ATP9B: variants seen among roughly 807,000 people sequenced by gnomAD.
ATP9B encodes the protein ATPase phospholipid transporting 9B.
Under a neutral mutation model 146.1 loss-of-function variants are expected in ATP9B, and 110 were observed. That is an observed-to-expected ratio of 0.75 (90% CI 0.65 to 0.88). The LOEUF is 0.88. Ranked by LOEUF, ATP9B falls within the 40% of genes least tolerant of loss-of-function variation. The pLI is 0.00. For missense variants in ATP9B, 1,499 were observed against 1,496.4 expected, an observed-to-expected ratio of 1.00 and a Z score of -0.03; for synonymous variants, 604 against 569.7, an observed-to-expected ratio of 1.06 and a Z score of -0.86.
chr18:79,336,794 AT>A, intron 18 of ATP9B, 83 bp downstream of exon 18: 1 of 1,413,940 alleles, frequency 7.1e-7, no homozygotes. Flanking sequence ...TTTGTATGAA[AT>A]TAGAGCTGGG....
At chr18:79,191,428 C>T (rs1262147931) in intron 8 of ATP9B, among the ~76,000 whole-genome samples, 1 of 152,170 alleles carries the variant, frequency 6.6e-6, no homozygotes, top group African/African-American at 2.4e-5. Flanking sequence ...CATCCTCTCT[C>T]TGTCCACTCA....
intron 20 of ATP9B, chr18:79,343,809 C>T: frequency 4.3e-6 from 1 of 234,166 alleles, no homozygotes; most frequent in South Asian, 5.6e-5. Context: ...AGCGCTGCTC[C>T]CCACGCCAGC....
chr18:79,342,766 A>G (rs1049497433), intron 20 of ATP9B, among the ~76,000 whole-genome samples: 80 of 152,288 alleles, frequency 5.3e-4, no homozygotes, highest in African/African-American at 1.7e-3. Context: ...GCATACTGCA[A>G]TTATTTTCAA....
Position 79,231,803 on chromosome 18 carries a change from T to TATACACACAC in ATP9B, c.1107+17766_1107+17767insTACACACACA, listed in dbSNP as rs569726473. 1.6e-3 allele frequency among the ~76,000 whole-genome samples: 180 copies of TATACACACAC among 114,752 alleles called. 1 individual carries two copies. Among genetic ancestry groups the TATACACACAC allele is most frequent in the East Asian group, 7.1e-3 (27 of 3,808 alleles). 75.3% of individuals were successfully genotyped at this position (114,752 alleles called of 152,430 possible). ...GTATATATATATATATATATATATA[T>TATACACACAC]ACACACACACACCATGGAATACTGC... On this transcript the variant is annotated intron_variant, in intron 11 of 29. Transcript: ENST00000426216.
intron 26 of ATP9B, among the ~76,000 whole-genome samples, chr18:79,368,044 T>A (rs114122806): frequency 6.6e-6 from 1 of 152,096 alleles, no homozygotes; most frequent in African/African-American, 2.4e-5. Flanking sequence ...TGTGTCTCCA[T>A]GGAGTGTCGC....
At chr18:79,240,105 G>A (rs1409399507) in intron 11 of ATP9B, among the ~76,000 whole-genome samples, 1 of 152,236 alleles carries the variant, frequency 6.6e-6, no homozygotes, top group African/African-American at 2.4e-5. Flanking sequence ...TCCAGTAGAA[G>A]CTGGCGAAGT....
In ATP9B at chr18:79,336,699, C is replaced by T. The variant is rs1166634186; in HGVS notation, c.2100C>T (p.Tyr700=). The change falls in exon 18 of 30, where the codon TAC becomes TAT. Residue 700 remains tyrosine, a synonymous_variant. Transcript: ENST00000426216. The part of the protein sequence containing the change: ...VAKKALTEEQ[Y]QDFESRYTQA... The stretch of plus-strand genomic sequence containing the variant: ...AGAAGGCGTTGACAGAGGAGCAGTA[C>T]CAGGACTTTGAGGTGAGCCGACTCC... 1.9e-6 allele frequency: 3 copies of T among 1,613,818 alleles called. No individual in the cohort carries two copies. The highest frequency in any genetic ancestry group is 1.3e-5 in the African/African-American group (1 of 74,938).
intron 10 of ATP9B, among the ~76,000 whole-genome samples, chr18:79,208,970 G>A (rs1449994380): frequency 6.6e-6 from 1 of 152,198 alleles, no homozygotes; most frequent in Non-Finnish European, 1.5e-5. Flanking sequence ...TTTAGCCAGG[G>A]AAACCTGCCC....
chr18:79,369,261 G>C (rs893890263), intron 26 of ATP9B, among the ~76,000 whole-genome samples: 1 of 151,754 alleles, frequency 6.6e-6, no homozygotes, highest in South Asian at 2.1e-4. Flanking sequence ...TGAGCCGGGC[G>C]TGGTGGCTCA....
At chr18:79,356,580 C>T (rs1040498693) in intron 25 of ATP9B, among the ~76,000 whole-genome samples, 3 of 152,244 alleles carry the variant, frequency 2.0e-5, no homozygotes, top group Non-Finnish European at 2.9e-5. Context: ...CAGCAGCAAC[C>T]TAGATGAATC....
chr18:79,249,155 C>A (rs957531559), intron 11 of ATP9B, among the ~76,000 whole-genome samples: 1 of 151,300 alleles, frequency 6.6e-6, no homozygotes, highest in Non-Finnish European at 1.5e-5. Context: ...TTGGTATAAA[C>A]CATTATTTTA....
chr18:79,117,709 A>G (rs567299303), intron 4 of ATP9B: 1 of 152,358 alleles, frequency 6.6e-6, no homozygotes, highest in East Asian at 1.9e-4. Context: ...CACACACAGA[A>G]GAAACACTGA....
chr18:79,339,730 C>T (rs1277936022), intron 19 of ATP9B, among the ~76,000 whole-genome samples: 4 of 150,996 alleles, frequency 2.6e-5, no homozygotes, highest in Admixed American at 6.6e-5. Context: ...GTGTCATGAT[C>T]GCAGTAGGAA....
intron 6 of ATP9B, among the ~76,000 whole-genome samples, chr18:79,152,369 T>C (rs1235853065): frequency 6.6e-6 from 1 of 152,248 alleles, no homozygotes; most frequent in Non-Finnish European, 1.5e-5. Flanking sequence ...TTCTGAGTTA[T>C]TCTTTCCTTT....
At chr18:79,171,867 T>C (rs1359267680) in intron 7 of ATP9B, among the ~76,000 whole-genome samples, 1 of 133,170 alleles carries the variant, frequency 7.5e-6, no homozygotes, top group Non-Finnish European at 1.5e-5. Flanking sequence ...ATTCATGACC[T>C]TCGGAGACTC....
chr18:79,100,132 T>C (rs2075151992), intron 2 of ATP9B, among the ~76,000 whole-genome samples: 1 of 152,136 alleles, frequency 6.6e-6, no homozygotes, highest in Admixed American at 6.5e-5. Flanking sequence ...TCTCAAAAAA[T>C]AAAATAAAAA....
chr18:79,071,884 G>GTTTTTTTTTTTTTTTTTTTTTT (rs375351848), intron 1 of ATP9B, among the ~76,000 whole-genome samples: 2 of 79,872 alleles, frequency 2.5e-5, no homozygotes, highest in East Asian at 4.4e-4. Flanking sequence ...TTCATGTTTG[G>GTTTTTTTTTTTTTTTTTTTTTT]TTTTGTTTTT....
At chr18:79,308,587 C>G (rs946471133) in intron 15 of ATP9B, among the ~76,000 whole-genome samples, 20 of 152,226 alleles carry the variant, frequency 1.3e-4, no homozygotes, top group Non-Finnish European at 2.2e-4. Flanking sequence ...ATGACATTTC[C>G]AGAGCAGACA....
intron 7 of ATP9B, among the ~76,000 whole-genome samples, chr18:79,159,142 A>G (rs2094839327): frequency 6.6e-6 from 1 of 152,166 alleles, no homozygotes; most frequent in Non-Finnish European, 1.5e-5. Flanking sequence ...GTCTTTGAAC[A>G]CGAAGTGTGT....
Sources: gnomAD v4.1 joint callset for allele counts (sites outside exome capture counted in the v4.1 genomes callset) on GRCh38, gnomAD v4.1.1 for gene constraint, MANE v1.5 for transcripts, NCBI Gene and HGNC (gene_info 2026-07-23, HGNC 2026-07-21) for gene names.